Variants in STON1 observed in about 807,000 individuals in gnomAD.
STON1 encodes stonin-1.
A neutral mutation model predicts 60.9 loss-of-function variants in STON1; 79 were observed. The ratio of observed to expected loss-of-function variants is 1.30; its 90% confidence interval spans 1.08 to 1.56. The LOEUF is 1.56. Among genes scored for constraint, STON1 ranks in the 40% most tolerant of loss-of-function variants. STON1 has a pLI of 0.00. For synonymous variants in STON1, 363 were observed against 306.9 expected (o/e 1.18, Z -1.91); for missense variants, 1,166 against 858.9 (o/e 1.36, Z -4.47).
chr2:48,542,041 A>G (rs1671676300), intron 1 of STON1, among the ~76,000 whole-genome samples: 1 of 152,178 alleles, frequency 6.6e-6, no homozygotes, highest in Admixed American at 6.5e-5. Context: ...AAAAGAAAAA[A>G]CATGTGGAAA....
chr2:48,595,395 T>G lies in STON1; in HGVS notation c.*93T>G. On this transcript the variant is annotated 3_prime_UTR_variant, in exon 4 of 4. Transcript: ENST00000404752. The stretch of plus-strand genomic sequence containing the variant: ...CTGCTACTGTAGAGTGGAAATGACT[T>G]CTGAATAGCGGTTTTAGGACAGGTC... 1 of 1,134,800 alleles carries G rather than the reference T, an allele frequency of 8.8e-7. No homozygotes were observed. Among genetic ancestry groups the G allele is most frequent in the Non-Finnish European group, 1.3e-6 (1 of 767,188 alleles). The allele number at this position is 1,134,800 out of a possible 1,614,324, so 70.3% of individuals were successfully genotyped here.
chr2:48,581,195 A>T lies in STON1; in HGVS notation c.562A>T (p.Lys188Ter). ...CTGTGCTTTTTCAAGTCCATTTTGG[A>T]AAGATGAAGGCAGTGATTCCCATTT... ...EDCAFSSPFWKDEGSDSHFTL... is the reference protein window; with the variant it reads ...EDCAFSSPFW The change falls in exon 2 of 4, where the codon AAA (lysine) becomes TAA (stop). Residue 188 changes from lysine to a stop codon, truncating the protein, a stop_gained. Transcript: ENST00000404752. LOFTEE classifies it high-confidence loss of function. 6.5e-7 allele frequency: 1 copy of T among 1,531,484 alleles called. No homozygotes were observed. The highest frequency in any genetic ancestry group is 2.3e-5 in the East Asian group (1 of 44,322). The allele number at this position is 1,531,484 out of a possible 1,614,324, so 94.9% of individuals were successfully genotyped here. A position where few individuals can be genotyped will look rare whatever the true frequency, so the allele number is the denominator to read the frequency against.
chr2:48,593,279 C>A (rs1674628816), intron 3 of STON1, among the ~76,000 whole-genome samples: 1 of 151,694 alleles, frequency 6.6e-6, no homozygotes, highest in African/African-American at 2.4e-5. Flanking sequence ...CCACGCCTGG[C>A]TAATTTTTTG....
At chr2:48,570,784 T>C (rs12990079) in intron 1 of STON1, among the ~76,000 whole-genome samples, 51,867 of 150,020 alleles carry the variant, frequency 0.35, 9,074 homozygotes, top group East Asian at 0.42. Flanking sequence ...CTAGCCATAA[T>C]ACATACTCCT....
chr2:48,581,572 G>C lies in STON1; in HGVS notation c.939G>C (p.Gln313His). 6.2e-7 allele frequency: 1 copy of C among 1,614,172 alleles called. No individual in the cohort carries two copies. The highest frequency in any genetic ancestry group is 8.5e-7 in the Non-Finnish European group (1 of 1,180,032). The change falls in exon 2 of 4, where the codon CAG becomes CAC. Residue 313 changes from glutamine (Q) to histidine (H), a missense_variant. Gln to His is a conservative substitution (Grantham distance 24). Coordinates refer to ENST00000404752, the MANE Select transcript of STON1 (RefSeq NM_006873.4). ...GAATTTTGCAGATGTATTATGAACA[G>C]GGATTAGAAAAACCATTTAAAGAGA... ...PGGILQMYYE[Q>H]GLEKPFKEIQ...
chr2:48,594,787 A>G (rs1277084498), intron 3 of STON1, among the ~76,000 whole-genome samples: 1 of 151,590 alleles, frequency 6.6e-6, no homozygotes, highest in Non-Finnish European at 1.5e-5. Flanking sequence ...TTTTGCAGCA[A>G]CCTAATAGTT....
chr2:48,586,164 T>A (rs554832745), intron 2 of STON1, among the ~76,000 whole-genome samples: 5 of 152,244 alleles, frequency 3.3e-5, no homozygotes, highest in Non-Finnish European at 7.3e-5. Flanking sequence ...CAGACACGTA[T>A]GAAGCTTTTT....
chr2:48,552,397 G>C (rs1272512785), intron 1 of STON1, among the ~76,000 whole-genome samples: 1 of 152,158 alleles, frequency 6.6e-6, no homozygotes, highest in Non-Finnish European at 1.5e-5. Context: ...AGTTTGGAAA[G>C]ATGAAAAAGT....
chr2:48,576,980 G>C (rs924027068), intron 1 of STON1, among the ~76,000 whole-genome samples: 3 of 151,738 alleles, frequency 2.0e-5, no homozygotes, highest in Non-Finnish European at 4.4e-5. Context: ...CGTGAACCTG[G>C]GAGATGGAGC....
At chr2:48,554,584 A>G (rs1363405942) in intron 1 of STON1, among the ~76,000 whole-genome samples, 2 of 152,196 alleles carry the variant, frequency 1.3e-5, no homozygotes, top group South Asian at 2.1e-4. Flanking sequence ...CAGGGGCTCA[A>G]GCACCCAAGG....
intron 1 of STON1, among the ~76,000 whole-genome samples, chr2:48,539,594 TG>T (rs1156873726): frequency 1.3e-5 from 2 of 151,928 alleles, no homozygotes; most frequent in East Asian, 3.9e-4. Context: ...CTCTGCCTCC[TG>T]GGTTCAAGCG....
At chr2:48,556,200 G>A (rs1343914875) in intron 1 of STON1, among the ~76,000 whole-genome samples, 1 of 33,134 alleles carries the variant, frequency 3.0e-5, no homozygotes, top group Admixed American at 2.2e-4. Context: ...TGGACGGGGC[G>A]GCTGGCCAGG....
intron 3 of STON1, among the ~76,000 whole-genome samples, chr2:48,593,304 A>G (rs1674629424): frequency 6.6e-6 from 1 of 151,306 alleles, no homozygotes; most frequent in Non-Finnish European, 1.5e-5. Flanking sequence ...TATAGTAGAG[A>G]TGGGGTTTCA....
At chr2:48,535,807 C>G (rs1275633395) in intron 1 of STON1, among the ~76,000 whole-genome samples, 1 of 152,194 alleles carries the variant, frequency 6.6e-6, no homozygotes, top group Non-Finnish European at 1.5e-5. Context: ...ATTTGTGTAG[C>G]TGGGCACGGT....
At chr2:48,539,556 C>G (rs903365757) in intron 1 of STON1, among the ~76,000 whole-genome samples, 7 of 151,932 alleles carry the variant, frequency 4.6e-5, no homozygotes, top group African/African-American at 9.7e-5. Context: ...GGCTGGAGTG[C>G]AGTGGTGTGA....
chr2:48,575,606 T>C (rs190734523), intron 1 of STON1, among the ~76,000 whole-genome samples: 9,989 of 151,568 alleles, frequency 0.066, 469 homozygotes, highest in Non-Finnish European at 0.1. Context: ...TGAGCCGAGA[T>C]TGCGTCACTG....
intron 1 of STON1, among the ~76,000 whole-genome samples, chr2:48,558,246 A>T (rs1435217292): frequency 6.6e-6 from 1 of 152,230 alleles, no homozygotes; most frequent in African/African-American, 2.4e-5. Context: ...AAAGAAAAAA[A>T]TCTTTCTCTA....
chr2:48,595,798 G>C lies in STON1; in HGVS notation c.*496G>C, dbSNP rs1038744825. Reference sequence around the variant, plus strand: ...GTGTAGAATGATGTTGAAACCACAGGCTAAAATGTAGATCTGGAAGTATCT... The same window carrying C: ...GTGTAGAATGATGTTGAAACCACAGCCTAAAATGTAGATCTGGAAGTATCT... On this transcript the variant is annotated 3_prime_UTR_variant, in exon 4 of 4. Transcript: ENST00000404752. 1 of 154,078 alleles carries C rather than the reference G, an allele frequency of 6.5e-6. No homozygotes were observed. The highest frequency in any genetic ancestry group is 2.4e-5 in the African/African-American group (1 of 41,422). The allele number at this position is 154,078 out of a possible 1,614,324, so 9.5% of individuals were successfully genotyped here.
intron 3 of STON1, 53 bp from the exon 4 acceptor site, chr2:48,595,175 G>C: frequency 7.3e-7 from 1 of 1,371,434 alleles, no homozygotes; most frequent in East Asian, 2.3e-5. Flanking sequence ...GAAGAGGTGT[G>C]AGTGCTGTGT....
Sources: gnomAD v4.1 joint callset for allele counts (sites outside exome capture counted in the v4.1 genomes callset) on GRCh38, gnomAD v4.1.1 for gene constraint, MANE v1.5 for transcripts, NCBI Gene and HGNC (gene_info 2026-07-23, HGNC 2026-07-21) for gene names.